The following KCNH7 variants were observed in gnomAD, a reference collection of about 807,000 sequenced individuals.
KCNH7 encodes voltage-gated inwardly rectifying potassium channel KCNH7.
A neutral mutation model predicts 120.8 loss-of-function variants in KCNH7; 49 were observed. That is an observed-to-expected ratio of 0.41 (90% CI 0.32 to 0.51). The LOEUF (loss-of-function observed/expected upper bound fraction) is 0.51, where lower values mean the gene tolerates loss of function less well. Ranked by LOEUF, KCNH7 falls within the 20% of genes least tolerant of loss-of-function variation. KCNH7 has a pLI of 0.38. For missense variants in KCNH7, 1,097 were observed against 1,446.6 expected (o/e 0.76, Z 3.92); for synonymous variants, 547 against 516.1 (o/e 1.06, Z -0.81).
At chr2:162,422,126 G>A (rs865783050) in intron 9 of KCNH7, among the ~76,000 whole-genome samples, 1 of 152,282 alleles carries the variant, frequency 6.6e-6, no homozygotes, top group Admixed American at 6.5e-5. Context: ...TGTGTGAAAA[G>A]TGTTCATTTG....
chr2:162,496,878 A>G (rs1192346191), intron 6 of KCNH7: 1 of 152,198 alleles, frequency 6.6e-6, no homozygotes, highest in African/African-American at 2.4e-5. Flanking sequence ...GAAATTCAGG[A>G]CTAAATTTAT....
At chr2:162,829,619 G>A (rs1293115520) in intron 2 of KCNH7, among the ~76,000 whole-genome samples, 1 of 152,074 alleles carries the variant, frequency 6.6e-6, no homozygotes, top group Non-Finnish European at 1.5e-5. Flanking sequence ...CTGGTGAGTA[G>A]ATTCCAACTG....
At position 162,807,256 on chromosome 2, in the gene KCNH7, C is replaced by CAAAAAAAAAAAAAA. The variant is rs745345993; in HGVS notation, c.307+29267_307+29280dup. Among the ~76,000 whole-genome samples the CAAAAAAAAAAAAAA allele has an allele frequency of 1.9e-3, 30 of 15,608 alleles. 1 individual carries two copies. In the South Asian group the frequency reaches 0.023, roughly 12 times the overall value. The allele number at this position is 15,608 out of a possible 152,430, so 10.2% of individuals were successfully genotyped here. A position where few individuals can be genotyped will look rare whatever the true frequency, so the allele number is the denominator to read the frequency against. On this transcript the variant is annotated intron_variant, in intron 2 of 15. Transcript: ENST00000332142. ...TGAAAACCCATCTCCACTAAAAATA[C>CAAAAAAAAAAAAAA]AAAAAAAAAAAAAAAAAAAAAAAAA...
Position 162,384,997 on chromosome 2 carries a change from G to T in KCNH7, c.2711-58C>A. 15 of 1,387,324 alleles carry T rather than the reference G, an allele frequency of 1.1e-5. 1 individual carries two copies. Among genetic ancestry groups the T allele is most frequent in the Non-Finnish European group, 1.5e-5 (15 of 1,004,618 alleles). The allele number at this position is 1,387,324 out of a possible 1,614,324, so 85.9% of individuals were successfully genotyped here. On this transcript the variant is annotated intron_variant, in intron 12 of 15. Coordinates refer to ENST00000332142, the MANE Select transcript of KCNH7 (RefSeq NM_033272.4). ...TATAGCAGACAATTAAATGTGAGAC[G>T]GTATGCATATTACACTACCTAGCTA...
chr2:162,634,185 T>C (rs913585255), intron 2 of KCNH7, among the ~76,000 whole-genome samples: 1 of 152,100 alleles, frequency 6.6e-6, no homozygotes, highest in Non-Finnish European at 1.5e-5. Context: ...GTAAATACTA[T>C]ATTTTTATAT....
chr2:162,690,124 C>T (rs1686049065), intron 2 of KCNH7, among the ~76,000 whole-genome samples: 2 of 152,124 alleles, frequency 1.3e-5, no homozygotes, highest in African/African-American at 4.8e-5. Flanking sequence ...CAAACTGACA[C>T]AGGGACAGAA....
chr2:162,699,431 T>G (rs1011812075), intron 2 of KCNH7, among the ~76,000 whole-genome samples: 1 of 152,122 alleles, frequency 6.6e-6, no homozygotes, highest in African/African-American at 2.4e-5. Flanking sequence ...CATTCCCCAA[T>G]AAATTTATTT....
At chr2:162,727,192 T>A (rs1382918506) in intron 2 of KCNH7, among the ~76,000 whole-genome samples, 3 of 152,216 alleles carry the variant, frequency 2.0e-5, no homozygotes, top group Non-Finnish European at 4.4e-5. Context: ...TTATGCTCTC[T>A]ACTATGTATA....
chr2:162,741,448 A>G (rs1028953118), intron 2 of KCNH7, among the ~76,000 whole-genome samples: 4 of 151,808 alleles, frequency 2.6e-5, no homozygotes, highest in Admixed American at 6.6e-5. Flanking sequence ...TTACATTATT[A>G]TACTATACAA....
intron 2 of KCNH7, among the ~76,000 whole-genome samples, chr2:162,728,193 T>C (rs1687596727): frequency 6.6e-6 from 1 of 152,004 alleles, no homozygotes; most frequent in South Asian, 2.1e-4. Context: ...AATTAGGCAT[T>C]CTAAAACGTA....
At chr2:162,746,829 T>A (rs1688333804) in intron 2 of KCNH7, among the ~76,000 whole-genome samples, 1 of 152,070 alleles carries the variant, frequency 6.6e-6, no homozygotes. Context: ...AAAACTTGAG[T>A]TGTCCATGAA....
At chr2:162,556,852 A>G (rs1166128715) in intron 2 of KCNH7, among the ~76,000 whole-genome samples, 1 of 152,226 alleles carries the variant, frequency 6.6e-6, no homozygotes. Flanking sequence ...ACACAGCATT[A>G]CTATGAGGAA....
At position 162,607,275 on chromosome 2, in the gene KCNH7, G is replaced by A. The variant is rs146290923; in HGVS notation, c.308-70195C>T. ...CATGGTGCTGCGCACCTGTAGTCTT[G>A]GCTACTTGGGAGGCTGAGGCAGGAG... On this transcript the variant is annotated intron_variant, in intron 2 of 15. Coordinates refer to ENST00000332142, the MANE Select transcript of KCNH7 (RefSeq NM_033272.4). Among the ~76,000 whole-genome samples the A allele has an allele frequency of 6.5e-3, 976 of 151,252 alleles. 14 individuals carry two copies. Among genetic ancestry groups the A allele is most frequent in the African/African-American group, 0.022 (915 of 41,252 alleles).
At chr2:162,492,524 C>A (rs1690344072) in intron 6 of KCNH7, among the ~76,000 whole-genome samples, 1 of 152,186 alleles carries the variant, frequency 6.6e-6, no homozygotes, top group Non-Finnish European at 1.5e-5. Flanking sequence ...ATCTTCCCCT[C>A]CATGAACAAC....
chr2:162,571,826 G>A (rs1030067994), intron 2 of KCNH7, among the ~76,000 whole-genome samples: 6 of 151,116 alleles, frequency 4.0e-5, no homozygotes, highest in African/African-American at 1.5e-4. Context: ...ATGGTGCTGG[G>A]AAAACTGGCT....
chr2:162,564,367 G>A (rs1314929544), intron 2 of KCNH7, among the ~76,000 whole-genome samples: 3 of 152,242 alleles, frequency 2.0e-5, no homozygotes, highest in South Asian at 2.1e-4. Context: ...AGTTAAAAGC[G>A]TTAGCGTAGA....
At chr2:162,592,037 T>C (rs1694230848) in intron 2 of KCNH7, among the ~76,000 whole-genome samples, 1 of 152,096 alleles carries the variant, frequency 6.6e-6, no homozygotes, top group Non-Finnish European at 1.5e-5. Context: ...TATTTTCCCT[T>C]CTACTAAATT....
chr2:162,444,140 C>A (rs1018016200), intron 7 of KCNH7, among the ~76,000 whole-genome samples: 3 of 152,122 alleles, frequency 2.0e-5, no homozygotes, highest in Non-Finnish European at 2.9e-5. Flanking sequence ...TTCCTGAAAC[C>A]TTTCTGCACT....
rs747400528 is a variant in KCNH7 at position 162,372,111 on chromosome 2, C to T, written c.3325-16G>A. 19 of 1,590,590 alleles carry T rather than the reference C, an allele frequency of 1.2e-5. No individual in the cohort carries two copies. Among genetic ancestry groups the T allele is most frequent in the Non-Finnish European group, 1.6e-5 (19 of 1,163,924 alleles). ...ATTCAGGACACTGATGGAAAAAGAA[C>T]AAAACAAGTTTTTATAATTCACATT... On this transcript the variant is annotated splice_polypyrimidine_tract_variant and intron_variant, in intron 15 of 15. Transcript: ENST00000332142.
Sources: allele counts gnomAD v4.1 joint callset (sites outside exome capture counted in the v4.1 genomes callset), GRCh38; gene constraint gnomAD v4.1.1; transcripts MANE v1.5; gene names NCBI Gene and HGNC (gene_info 2026-07-23, HGNC 2026-07-21).